Variants in GABRA3 observed in about 807,000 individuals in gnomAD.
The protein encoded by GABRA3 is gamma-aminobutyric acid receptor subunit alpha-3.
GABRA3 carries 10 observed loss-of-function variants against 30.1 expected under a neutral mutation model. The observed-to-expected ratio is 0.33, with a 90% CI of 0.20 to 0.56. GABRA3 has a LOEUF of 0.56. Among genes scored for constraint, GABRA3 ranks in the 20% least tolerant of loss-of-function variants. The probability of loss-of-function intolerance (pLI) is 0.89; values close to 1 mark genes in which losing one functional copy is unlikely to be tolerated. For synonymous variants in GABRA3, 151 were observed against 146.8 expected (o/e 1.03, Z -0.21); for missense variants, 233 against 392.0 (o/e 0.59, Z 3.42).
chrX:152,248,744 G>C (rs185558492), intron 5 of GABRA3, among the ~76,000 whole-genome samples: 2 of 111,602 alleles, frequency 1.8e-5, no homozygotes, highest in East Asian at 5.6e-4. Flanking sequence ...AAGTTCAAGT[G>C]ATCTATCATA....
intron 1 of GABRA3, among the ~76,000 whole-genome samples, chrX:152,403,284 CT>C (rs1342530496): frequency 9.0e-6 from 1 of 111,202 alleles, no homozygotes; most frequent in African/African-American, 3.3e-5. Flanking sequence ...TAAAAATACA[CT>C]AGTCAATATC....
intron 7 of GABRA3, among the ~76,000 whole-genome samples, chrX:152,205,402 G>T (rs74994645): frequency 8.9e-6 from 1 of 111,799 alleles, no homozygotes; most frequent in Non-Finnish European, 1.9e-5. Flanking sequence ...GGAGCAAAAT[G>T]CTATAGGGAA....
intron 4 of GABRA3, among the ~76,000 whole-genome samples, chrX:152,259,880 T>A (rs921127643): frequency 1.2e-4 from 13 of 110,118 alleles, no homozygotes; most frequent in Admixed American, 7.8e-4. Context: ...GGGATTTTTT[T>A]ATTCAATCTT....
intron 5 of GABRA3, among the ~76,000 whole-genome samples, chrX:152,251,756 A>G (rs187350818): frequency 1.8e-5 from 2 of 110,913 alleles, no homozygotes; most frequent in South Asian, 7.6e-4. Context: ...ATAATTTATT[A>G]CAAGCATGCC....
intron 3 of GABRA3, among the ~76,000 whole-genome samples, chrX:152,331,185 A>G (rs1940160465): frequency 1.4e-5 from 1 of 69,986 alleles, no homozygotes; most frequent in African/African-American, 8.0e-5. Flanking sequence ...TTTGGAAGGA[A>G]AAAAAAAAAA....
intron 2 of GABRA3, among the ~76,000 whole-genome samples, chrX:152,361,434 G>A (rs756411008): frequency 1.0e-4 from 11 of 109,147 alleles, no homozygotes; most frequent in Admixed American, 3.9e-4. Context: ...TTAGCTGGGC[G>A]TGGTGGCATG....
chrX:152,263,071 T>C (rs1055616167), intron 4 of GABRA3, among the ~76,000 whole-genome samples: 1 of 110,670 alleles, frequency 9.0e-6, no homozygotes, highest in Non-Finnish European at 1.9e-5. Flanking sequence ...CCCTTATATC[T>C]CTTGAGAACT....
chrX:152,352,663 T>A (rs1410579973), intron 2 of GABRA3, among the ~76,000 whole-genome samples: 3 of 111,830 alleles, frequency 2.7e-5, no homozygotes, highest in Non-Finnish European at 5.6e-5. Flanking sequence ...AAACCACATA[T>A]TTCCTGGGAG....
chrX:152,250,259 C>T (rs1288044405), intron 5 of GABRA3, among the ~76,000 whole-genome samples: 4 of 111,359 alleles, frequency 3.6e-5, no homozygotes, highest in Non-Finnish European at 7.5e-5. Context: ...GCTATCTGTG[C>T]ACAGGTCTCT....
chrX:152,346,156 A>C (rs183578141), intron 2 of GABRA3, among the ~76,000 whole-genome samples: 2 of 111,873 alleles, frequency 1.8e-5, no homozygotes, highest in East Asian at 5.6e-4. Context: ...CAGATCCTTA[A>C]ATTGTACATA....
intron 1 of GABRA3, among the ~76,000 whole-genome samples, chrX:152,406,694 C>T (rs950096487): frequency 9.2e-6 from 1 of 108,875 alleles, no homozygotes; most frequent in African/African-American, 3.3e-5. Flanking sequence ...ATGAACAGAT[C>T]GTCCAGACAG....
Position 152,168,076 on chromosome X carries a change from C to A in GABRA3, c.*152G>T. On this transcript the variant is annotated 3_prime_UTR_variant, in exon 10 of 10. Coordinates refer to ENST00000370314, the MANE Select transcript of GABRA3 (RefSeq NM_000808.4). Reference sequence around the variant, plus strand: ...GTAATTTTTCTGTAGTTATTTTTTGCGTAGAGATTCATAAATATGAATTGA... The same window carrying A: ...GTAATTTTTCTGTAGTTATTTTTTGAGTAGAGATTCATAAATATGAATTGA... 2.2e-6 allele frequency: 1 copy of A among 464,232 alleles called. No individual in the cohort carries two copies. The allele number at this position is 464,232 out of a possible 1,213,427, so 38.3% of individuals were successfully genotyped here. A position where few individuals can be genotyped will look rare whatever the true frequency, so the allele number is the denominator to read the frequency against.
chrX:152,285,134 G>C (rs1261728740), intron 3 of GABRA3, among the ~76,000 whole-genome samples: 4 of 111,570 alleles, frequency 3.6e-5, no homozygotes, highest in African/African-American at 1.3e-4. Context: ...AAATATAGAG[G>C]GGCAATAGGA....
At chrX:152,297,995 G>A (rs1265138417) in intron 3 of GABRA3, among the ~76,000 whole-genome samples, 1 of 112,217 alleles carries the variant, frequency 8.9e-6, no homozygotes, top group Non-Finnish European at 1.9e-5. Flanking sequence ...CCTTTCCACT[G>A]TAGAGGAATG....
At chrX:152,339,725 C>T (rs1940287122) in intron 3 of GABRA3, among the ~76,000 whole-genome samples, 2 of 110,609 alleles carry the variant, frequency 1.8e-5, no homozygotes, top group South Asian at 4.0e-4. Context: ...CTAATTCGGG[C>T]GTTGTTGAAA....
intron 1 of GABRA3, among the ~76,000 whole-genome samples, chrX:152,386,306 C>T (rs1226875767): frequency 1.8e-5 from 2 of 110,235 alleles, no homozygotes; most frequent in Non-Finnish European, 3.8e-5. Flanking sequence ...AGAGGTCCTT[C>T]ACGTCCCTTG....
intron 1 of GABRA3, among the ~76,000 whole-genome samples, chrX:152,414,666 A>G (rs1215199757): frequency 9.0e-6 from 1 of 110,710 alleles, no homozygotes; most frequent in Non-Finnish European, 1.9e-5. Flanking sequence ...CATATGATCC[A>G]GCAATAACAC....
intron 7 of GABRA3, among the ~76,000 whole-genome samples, chrX:152,205,011 C>CGT (rs1232326042): frequency 8.1e-5 from 9 of 111,524 alleles, no homozygotes; most frequent in Non-Finnish European, 1.1e-4. Flanking sequence ...TGCACGCACG[C>CGT]GTGTGTGTGT....
chrX:152,357,105 T>C (rs992568855), intron 2 of GABRA3, among the ~76,000 whole-genome samples: 1 of 111,962 alleles, frequency 8.9e-6, no homozygotes, highest in Admixed American at 9.5e-5. Flanking sequence ...TGGATATATA[T>C]CCAATAATGG....
Sources: gnomAD v4.1 joint callset for allele counts (sites outside exome capture counted in the v4.1 genomes callset) on GRCh38, gnomAD v4.1.1 for gene constraint, MANE v1.5 for transcripts, NCBI Gene and HGNC (gene_info 2026-07-23, HGNC 2026-07-21) for gene names.